The following DENND1A variants were observed in gnomAD, a reference collection of about 807,000 sequenced individuals.
The protein encoded by DENND1A is DENN domain-containing protein 1A.
DENND1A carries 51 observed loss-of-function variants against 113.7 expected under a neutral mutation model. That is an observed-to-expected ratio of 0.45 (90% confidence interval 0.36 to 0.57). The LOEUF (loss-of-function observed/expected upper bound fraction) is 0.57, where lower values mean the gene tolerates loss of function less well. Ranked by LOEUF, DENND1A falls within the 20% of genes least tolerant of loss-of-function variation. The pLI is 0.00. For synonymous variants in DENND1A, 565 were observed against 570.8 expected (o/e 0.99, Z 0.14); for missense variants, 1,258 against 1,395.9 (o/e 0.90, Z 1.57).
intron 3 of DENND1A, among the ~76,000 whole-genome samples, chr9:123,782,979 A>G (rs1473713009): frequency 6.6e-6 from 1 of 152,136 alleles, no homozygotes; most frequent in Non-Finnish European, 1.5e-5. Flanking sequence ...GAAAATTATA[A>G]TAGTCAGAGG....
At chr9:123,549,589 A>G (rs2056918470) in intron 13 of DENND1A, among the ~76,000 whole-genome samples, 1 of 152,198 alleles carries the variant, frequency 6.6e-6, no homozygotes, top group Non-Finnish European at 1.5e-5. Context: ...ACAGCATTTC[A>G]AAGCTTTATT....
Position 123,557,451 on chromosome 9 carries a change from C to T in DENND1A, c.993+119G>A, listed in dbSNP as rs866523973. 4 of 1,466,716 alleles carry T rather than the reference C, an allele frequency of 2.7e-6. No homozygotes were observed. In the African/African-American group the frequency reaches 5.6e-5, roughly 21 times the overall value. The allele number at this position is 1,466,716 out of a possible 1,614,324, so 90.9% of individuals were successfully genotyped here. ...TACACTGTCCCCCACCACAAACACA[C>T]ACAAGCTCTTCTAGATGAATCTGGA... On this transcript the variant is annotated intron_variant, in intron 13 of 23. Coordinates refer to ENST00000394215, the MANE Select transcript of DENND1A (RefSeq NM_001352964.2).
intron 21 of DENND1A, among the ~76,000 whole-genome samples, chr9:123,389,156 G>A (rs955687612): frequency 3.3e-5 from 5 of 152,244 alleles, no homozygotes; most frequent in Middle Eastern, 3.2e-3. Flanking sequence ...GCAGGGGGAC[G>A]GGGCAGGTGG....
In DENND1A at chr9:123,381,832, A is replaced by T; in HGVS notation, c.2813T>A (p.Phe938Tyr). Residue 938 changes from phenylalanine to tyrosine, a missense_variant, in exon 24 of 24, where the codon TTC (phenylalanine) becomes TAC (tyrosine). Coordinates refer to ENST00000394215, the MANE Select transcript of DENND1A (RefSeq NM_001352964.2). The surrounding 1 kb of genome is among the most constrained non-coding windows in gnomAD (Gnocchi z 4.7). ...GGGCTGAGACCTGTGAGGGGCACAG[A>T]AGCCAGCACTGGACAGCAGGAGGCC... ...ASGLLLSSAG[F>Y]CAPHRSQPNL... 6.7e-7 allele frequency: 1 copy of T among 1,502,448 alleles called. No homozygotes were observed. The allele number at this position is 1,502,448 out of a possible 1,614,324, so 93.1% of individuals were successfully genotyped here.
rs149291111 is a variant in DENND1A, at chr9:123,440,373, A to T, written c.1475T>A (p.Val492Asp). ...KLREDRRPIT[V>D]HFGQLQRLRP... ...CAGGGTACACACCTGTCCAAAGTGG[A>T]CTGTGATTGGCCGCCGGTCTTCTCG... Residue 492 changes from valine to aspartate, a missense_variant, in exon 19 of 24, where the codon GTC (valine) becomes GAC (aspartate). Physicochemically the swap from Val to Asp is radical, Grantham distance 152. This residue lies in a region of DENND1A where 1,159 missense variants were observed against 1,231.7 expected (regional missense o/e 0.94). Coordinates refer to ENST00000394215, the MANE Select transcript of DENND1A (RefSeq NM_001352964.2). The T allele has an allele frequency of 2.2e-5, 36 of 1,601,626 alleles. No individual in the cohort carries two copies. Among genetic ancestry groups the T allele is most frequent in the Non-Finnish European group, 3.0e-5 (35 of 1,175,460 alleles).
At chr9:123,746,237 G>A (rs374329080) in intron 5 of DENND1A, among the ~76,000 whole-genome samples, 2 of 152,250 alleles carry the variant, frequency 1.3e-5, no homozygotes, top group East Asian at 3.9e-4. Context: ...ATAGCATACA[G>A]GGACTTTATC....
At chr9:123,650,315 A>G (rs1564884618) in intron 9 of DENND1A, among the ~76,000 whole-genome samples, 1 of 152,232 alleles carries the variant, frequency 6.6e-6, no homozygotes, top group Non-Finnish European at 1.5e-5. Context: ...AAATAATAAA[A>G]TAATGAAGGT....
intron 10 of DENND1A, among the ~76,000 whole-genome samples, chr9:123,609,977 A>G (rs1323535112): frequency 6.6e-6 from 1 of 152,216 alleles, no homozygotes; most frequent in Non-Finnish European, 1.5e-5. Flanking sequence ...TCATCAAGAG[A>G]TGTGATCTAA....
At chr9:123,480,972 C>T (rs2050288356) in intron 13 of DENND1A, among the ~76,000 whole-genome samples, 1 of 152,230 alleles carries the variant, frequency 6.6e-6, no homozygotes, top group Admixed American at 6.5e-5. Context: ...TAGACATGCG[C>T]ACACATTGTT....
chr9:123,443,573 C>A (rs1040778166), intron 18 of DENND1A, among the ~76,000 whole-genome samples: 4 of 152,224 alleles, frequency 2.6e-5, no homozygotes, highest in Non-Finnish European at 5.9e-5. Flanking sequence ...AATTTATTAG[C>A]CTCTTTACTA....
At chr9:123,723,956 G>C (rs980650983) in intron 5 of DENND1A, among the ~76,000 whole-genome samples, 2 of 152,144 alleles carry the variant, frequency 1.3e-5, no homozygotes, top group African/African-American at 4.8e-5. Flanking sequence ...AGTAGATGTT[G>C]ACTAAACCAA....
At chr9:123,515,093 G>A (rs908142465) in intron 13 of DENND1A, among the ~76,000 whole-genome samples, 1 of 152,204 alleles carries the variant, frequency 6.6e-6, no homozygotes, top group African/African-American at 2.4e-5. Context: ...AAAAGCAAGA[G>A]AGACTATCCT....
At chr9:123,445,214 G>A (rs1163688575) in intron 18 of DENND1A, among the ~76,000 whole-genome samples, 2 of 152,148 alleles carry the variant, frequency 1.3e-5, no homozygotes, top group African/African-American at 2.4e-5. Flanking sequence ...GGAGACTAGA[G>A]GACAAAGAGG....
At chr9:123,384,001 G>A in intron 22 of DENND1A, 88 bp from the exon 23 acceptor site, 1 of 1,528,500 alleles carries the variant, frequency 6.5e-7, no homozygotes. Flanking sequence ...TTGAGGGCTT[G>A]AGGGGTGCAC....
chr9:123,497,813 C>CAAAAAAAAAAAAAAAAAA (rs755257150), intron 13 of DENND1A, among the ~76,000 whole-genome samples: 2 of 101,766 alleles, frequency 2.0e-5, no homozygotes, highest in African/African-American at 3.7e-5. Flanking sequence ...CTCTTCCATC[C>CAAAAAAAAAAAAAAAAAA]AAAAAAAAAA....
intron 2 of DENND1A, among the ~76,000 whole-genome samples, chr9:123,830,638 G>A (rs1306344707): frequency 2.6e-5 from 4 of 151,918 alleles, no homozygotes; most frequent in African/African-American, 9.7e-5. Flanking sequence ...GCCGAGGGGG[G>A]CGGACCACCT....
chr9:123,496,629 G>GAATA (rs2051940894), intron 13 of DENND1A, among the ~76,000 whole-genome samples: 1 of 152,324 alleles, frequency 6.6e-6, no homozygotes, highest in South Asian at 2.1e-4. Flanking sequence ...GCAGAAATGA[G>GAATA]AATAAATACC....
At chr9:123,732,894 A>C (rs1310366054) in intron 5 of DENND1A, among the ~76,000 whole-genome samples, 5 of 152,196 alleles carry the variant, frequency 3.3e-5, no homozygotes, top group Admixed American at 1.3e-4. Context: ...GTGCTTTCTC[A>C]AAGAGTTTTT....
intron 2 of DENND1A, among the ~76,000 whole-genome samples, chr9:123,841,950 A>G (rs1841904337): frequency 1.3e-5 from 2 of 152,206 alleles, no homozygotes; most frequent in Admixed American, 1.3e-4. Context: ...GCAGATCATG[A>G]GTTAGAATTC....
Sources: allele counts gnomAD v4.1 joint callset (sites outside exome capture counted in the v4.1 genomes callset), GRCh38; gene constraint gnomAD v4.1.1; regional missense constraint gnomAD v4.1.1; non-coding constraint Gnocchi (gnomAD v3.1); transcripts MANE v1.5; gene names NCBI Gene and HGNC (gene_info 2026-07-23, HGNC 2026-07-21).